The following CCDC57 variants were observed in gnomAD, a reference collection of about 807,000 sequenced individuals.
The protein encoded by CCDC57 is coiled-coil domain-containing protein 57.
A neutral mutation model predicts 118.9 loss-of-function variants in CCDC57; 118 were observed. The observed-to-expected ratio is 0.99, with a 90% confidence interval of 0.86 to 1.16. CCDC57 has a LOEUF of 1.16. CCDC57 is among the 50% of genes most tolerant of loss of function. CCDC57 has a pLI of 0.00. For missense variants in CCDC57, 1,300 were observed against 1,320.7 expected, an observed-to-expected ratio of 0.98 and a Z score of 0.24; for synonymous variants, 527 against 532.9, an observed-to-expected ratio of 0.99 and a Z score of 0.15.
At chr17:82,151,076 C>T (rs1429261915) in intron 16 of CCDC57, among the ~76,000 whole-genome samples, 3 of 106,752 alleles carry the variant, frequency 2.8e-5, no homozygotes, top group African/African-American at 6.6e-5. Flanking sequence ...ACCAGGCGCA[C>T]ACTCAGAACC....
intron 14 of CCDC57, among the ~76,000 whole-genome samples, chr17:82,159,828 C>T (rs185432263): frequency 5.9e-4 from 89 of 152,126 alleles, no homozygotes; most frequent in Middle Eastern, 3.4e-3. Context: ...CGCACCACCA[C>T]ACCCGGCTCA....
At chr17:82,140,503 G>A (rs1341029461) in intron 16 of CCDC57, among the ~76,000 whole-genome samples, 3 of 152,234 alleles carry the variant, frequency 2.0e-5, no homozygotes, top group Non-Finnish European at 2.9e-5. Context: ...TTACAGGTGT[G>A]AGCCACCGTG....
At chr17:82,125,042 G>A (rs2037232306) in intron 19 of CCDC57, among the ~76,000 whole-genome samples, 2 of 152,228 alleles carry the variant, frequency 1.3e-5, no homozygotes, top group Admixed American at 6.5e-5. Context: ...GGAAGACGGA[G>A]TGGGACGCGG....
Position 82,192,634 on chromosome 17 carries a change from C to T in CCDC57, c.851+1122G>A, listed in dbSNP as rs1273173738. Among the ~76,000 whole-genome samples, 2 of 152,190 alleles carry T rather than the reference C, an allele frequency of 1.3e-5. No individual in the cohort carries two copies. Among genetic ancestry groups the T allele is most frequent in the Non-Finnish European group, 2.9e-5 (2 of 68,040 alleles). On this transcript the variant is annotated intron_variant, in intron 7 of 19. Coordinates refer to ENST00000665763, the Ensembl canonical transcript of CCDC57. This position sits in a 1 kb window ranked among gnomAD's most constrained non-coding sequence, Gnocchi z 4.0. ...CATCTGCACTGTGTCTGTTTGGGCT[C>T]GACTGCCTCGGTTTCCTCATCTAGG...
chr17:82,139,406 A>G (rs983000043), intron 16 of CCDC57, among the ~76,000 whole-genome samples: 3 of 152,162 alleles, frequency 2.0e-5, no homozygotes, highest in Non-Finnish European at 2.9e-5. Context: ...CCCAGGCTGG[A>G]GTGCAGTGGT....
At chr17:82,113,654 C>A (rs890993853) in intron 19 of CCDC57, 7 of 717,222 alleles carry the variant, frequency 9.8e-6, no homozygotes, top group Non-Finnish European at 1.8e-5. Flanking sequence ...CCACGCCAGG[C>A]TGGGCGTGGG....
At chr17:82,123,839 T>C (rs2037060983) in intron 19 of CCDC57, among the ~76,000 whole-genome samples, 1 of 152,148 alleles carries the variant, frequency 6.6e-6, no homozygotes, top group African/African-American at 2.4e-5. Flanking sequence ...TTGAGATTTA[T>C]GAGACATGGT....
chr17:82,202,534 G>A (rs1568486119), intron 2 of CCDC57, among the ~76,000 whole-genome samples: 1 of 151,892 alleles, frequency 6.6e-6, no homozygotes, highest in African/African-American at 2.4e-5. Flanking sequence ...TGGGTCACCT[G>A]AGGTCAGGAG....
In CCDC57 at chr17:82,118,710, G is replaced by A. The variant is rs911433248; in HGVS notation, c.2899+8982C>T. On this transcript the variant is annotated intron_variant, in intron 19 of 19. Coordinates refer to ENST00000665763, the Ensembl canonical transcript of CCDC57. The surrounding 1 kb of genome is among the most constrained non-coding windows in gnomAD (Gnocchi z 4.7). ...ACTGCCTTAGGGAGAGCTTCCGTCC[G>A]CACTGGGTGCCACTCAGTCTGCCGC... Among the ~76,000 whole-genome samples the A allele has an allele frequency of 7.2e-5, 11 of 152,110 alleles. No homozygotes were observed. Among genetic ancestry groups the A allele is most frequent in the South Asian group, 4.1e-4 (2 of 4,834 alleles).
chr17:82,194,040 T>C (rs1483672112), exon 6 of CCDC57: 1 of 1,613,664 alleles, frequency 6.2e-7, no homozygotes, highest in African/African-American at 1.3e-5. Flanking sequence ...TGGAGCTTCC[T>C]CTCCAGCTCG....
intron 19 of CCDC57, among the ~76,000 whole-genome samples, chr17:82,117,877 C>A (rs1267128608): frequency 6.6e-6 from 1 of 152,166 alleles, no homozygotes; most frequent in Non-Finnish European, 1.5e-5. Flanking sequence ...AGAACTCAAA[C>A]TGACCCTACC....
intron 13 of CCDC57, among the ~76,000 whole-genome samples, chr17:82,164,029 G>T (rs867619522): frequency 1.3e-5 from 2 of 152,148 alleles, no homozygotes; most frequent in Middle Eastern, 3.4e-3. Flanking sequence ...AACAGAGCGA[G>T]ACCCTGTCAC....
chr17:82,140,356 G>C (rs980828242), intron 16 of CCDC57, among the ~76,000 whole-genome samples: 1 of 152,036 alleles, frequency 6.6e-6, no homozygotes, highest in African/African-American at 2.4e-5. Context: ...AAAGTGCTGG[G>C]ATTACAGGCG....
intron 17 of CCDC57, among the ~76,000 whole-genome samples, chr17:82,133,307 G>A (rs1412385181): frequency 2.0e-5 from 3 of 151,760 alleles, no homozygotes; most frequent in South Asian, 2.1e-4. Flanking sequence ...CTAGGAAGCC[G>A]AGGCTGCAGT....
In CCDC57 at chr17:82,126,056, G is replaced by A. The variant is rs369637993; in HGVS notation, c.2899+1636C>T. Among the ~76,000 whole-genome samples the A allele has an allele frequency of 2.2e-3, 328 of 152,232 alleles. 1 individual carries two copies. Among genetic ancestry groups the A allele is most frequent in the African/African-American group, 6.9e-3 (286 of 41,534 alleles). ...AGCACTCTGGGAGGCCGAGGTGGGCGGATCAACTGAGGTCAGGAGTTCGAG... is the reference window on the plus strand; with the variant it reads ...AGCACTCTGGGAGGCCGAGGTGGGCAGATCAACTGAGGTCAGGAGTTCGAG... On this transcript the variant is annotated intron_variant, in intron 19 of 19. Transcript: ENST00000665763.
In CCDC57 at chr17:82,163,238, G is replaced by A. The variant is rs1448550751; in HGVS notation, c.2002C>T (p.Gln668Ter). The A allele has an allele frequency of 6.2e-7, 1 of 1,614,022 alleles. No individual in the cohort carries two copies. Among genetic ancestry groups the A allele is most frequent in the Non-Finnish European group, 8.5e-7 (1 of 1,179,888 alleles). ...CGTGTCACCAGCAGGTTTAGGAGCT[G>A]CACTCTGTCCCCGAGCTTCCTGAGT... The change falls in exon 14 of 20, where the codon CAG becomes TAG. Residue 668 changes from glutamine to a stop codon, truncating the protein, a stop_gained. Transcript: ENST00000665763. LOFTEE classifies it high-confidence loss of function.
intron 17 of CCDC57, among the ~76,000 whole-genome samples, chr17:82,129,220 G>C (rs544209246): frequency 6.6e-6 from 1 of 152,232 alleles, no homozygotes; most frequent in Admixed American, 6.5e-5. Context: ...CGCCTGACCT[G>C]ATCCTGCTTC....
At position 82,212,144 on chromosome 17, in the gene CCDC57, G is replaced by C. The variant is rs9901076; in HGVS notation, c.-211+641C>G. Among the ~76,000 whole-genome samples, 1 of 151,910 alleles carries C rather than the reference G, an allele frequency of 6.6e-6. No individual in the cohort carries two copies. The highest frequency in any genetic ancestry group is 1.5e-5 in the Non-Finnish European group (1 of 67,962). The stretch of plus-strand genomic sequence containing the variant: ...GACTCCTGAGTAGTCTCAGAGTGTG[G>C]CGTTCTCTCTATAACTCCCTCAGTT... On this transcript the variant is annotated intron_variant, in intron 1 of 19. Coordinates refer to ENST00000665763, the Ensembl canonical transcript of CCDC57. The surrounding 1 kb of genome is among the most constrained non-coding windows in gnomAD (Gnocchi z 4.1).
At chr17:82,204,234 T>A (rs2049331733) in intron 2 of CCDC57, among the ~76,000 whole-genome samples, 3 of 152,160 alleles carry the variant, frequency 2.0e-5, no homozygotes, top group Non-Finnish European at 4.4e-5. Context: ...TCCTCCAAGC[T>A]GCTGCGTGCC....
Sources: allele counts gnomAD v4.1 joint callset (sites outside exome capture counted in the v4.1 genomes callset), GRCh38; gene constraint gnomAD v4.1.1; non-coding constraint Gnocchi (gnomAD v3.1); transcripts MANE v1.5; gene names NCBI Gene and HGNC (gene_info 2026-07-23, HGNC 2026-07-21).